The following KPNA1 variants were observed in gnomAD, a reference collection of about 807,000 sequenced individuals.
KPNA1 encodes importin subunit alpha-5.
KPNA1 carries 10 observed loss-of-function variants against 70.5 expected under a neutral mutation model. The observed-to-expected ratio is 0.14, with a 90% CI of 0.09 to 0.24. The LOEUF is 0.24. Among genes scored for constraint, KPNA1 ranks in the 10% least tolerant of loss-of-function variants. The pLI is 1.00. For synonymous variants in KPNA1, 192 were observed against 221.9 expected, an observed-to-expected ratio of 0.87 and a Z score of 1.20; for missense variants, 397 against 637.9, an observed-to-expected ratio of 0.62 and a Z score of 4.07.
At chr3:122,476,425 G>A (rs1412977079) in intron 2 of KPNA1, among the ~76,000 whole-genome samples, 1 of 151,968 alleles carries the variant, frequency 6.6e-6, no homozygotes, top group African/African-American at 2.4e-5. Context: ...CGACAAATGG[G>A]GTTACAACAA....
chr3:122,433,868 C>A (rs1296202104), intron 11 of KPNA1, 80 bp from the exon 12 acceptor site: 2 of 1,096,706 alleles, frequency 1.8e-6, no homozygotes, highest in South Asian at 1.6e-5. Context: ...AATTTCTAAG[C>A]TAGTTTGACT....
chr3:122,422,611 C>A lies in KPNA1; in HGVS notation c.*4374G>T, dbSNP rs1226880766. The A allele has an allele frequency of 6.6e-6, 1 of 152,224 alleles. No homozygotes were observed. The highest frequency in any genetic ancestry group is 1.9e-4 in the East Asian group (1 of 5,206). The allele number at this position is 152,224 out of a possible 1,614,324, so 9.4% of individuals were successfully genotyped here. ...TGGGCACGGAACTACTGCGTGGCCA[C>A]TGCTTTCTTCAAGACACAGAATTTG... On this transcript the variant is annotated 3_prime_UTR_variant, in exon 14 of 14. Transcript: ENST00000344337.
intron 5 of KPNA1, chr3:122,457,958 G>T: frequency 1.1e-6 from 1 of 952,014 alleles, no homozygotes; most frequent in Non-Finnish European, 1.4e-6. Flanking sequence ...GAAAGGCAGA[G>T]AGATCAATGA....
intron 2 of KPNA1, among the ~76,000 whole-genome samples, chr3:122,468,980 CATGGA>C (rs1358902196): frequency 6.6e-6 from 1 of 152,088 alleles, no homozygotes; most frequent in African/African-American, 2.4e-5. Context: ...GTATAATAAA[CATGGA>C]ATGGAACTAT....
At chr3:122,437,357 A>C (rs2076003035) in intron 10 of KPNA1, 62 bp from the exon 11 acceptor site, 8 of 1,243,680 alleles carry the variant, frequency 6.4e-6, no homozygotes, top group South Asian at 1.6e-5. Context: ...TGTTTAACTT[A>C]AGGAACACAT....
Position 122,489,195 on chromosome 3 carries a change from A to T in KPNA1, c.129+7242T>A, listed in dbSNP as rs940353891. On this transcript the variant is annotated intron_variant, in intron 2 of 13. Transcript: ENST00000344337. Reference sequence around the variant, plus strand: ...CTTCTGCAATTTTTAATTTGCAATCAATCCCATTTGGGAATTTCTCATCTT... The same window carrying T: ...CTTCTGCAATTTTTAATTTGCAATCTATCCCATTTGGGAATTTCTCATCTT... 5.9e-5 allele frequency among the ~76,000 whole-genome samples: 9 copies of T among 151,928 alleles called. No individual in the cohort carries two copies. In the South Asian group the frequency reaches 6.2e-4, roughly 11 times the overall value.
At chr3:122,470,373 G>A (rs1022955763) in intron 2 of KPNA1, among the ~76,000 whole-genome samples, 4 of 151,910 alleles carry the variant, frequency 2.6e-5, no homozygotes, top group South Asian at 4.2e-4. Context: ...TTAGCCGGGC[G>A]TGGCAGCGGG....
intron 2 of KPNA1, among the ~76,000 whole-genome samples, chr3:122,486,854 T>C (rs374742734): frequency 1.8e-4 from 27 of 152,220 alleles, no homozygotes; most frequent in African/African-American, 6.3e-4. Flanking sequence ...CCCAAAGTGC[T>C]GGGATTACAA....
chr3:122,435,172 A>G (rs2075968353), intron 11 of KPNA1, among the ~76,000 whole-genome samples: 2 of 152,160 alleles, frequency 1.3e-5, no homozygotes, highest in Non-Finnish European at 2.9e-5. Context: ...AATGTAATGG[A>G]TGCTTCAATA....
At chr3:122,435,560 T>A (rs1184378635) in intron 11 of KPNA1, among the ~76,000 whole-genome samples, 2 of 152,172 alleles carry the variant, frequency 1.3e-5, no homozygotes, top group South Asian at 2.1e-4. Context: ...ATACAAGACA[T>A]TATTTGTTGC....
chr3:122,447,334 C>G (rs1238670252), intron 9 of KPNA1, among the ~76,000 whole-genome samples: 13 of 152,158 alleles, frequency 8.5e-5, no homozygotes, highest in African/African-American at 1.2e-4. Flanking sequence ...ACGATCAAGT[C>G]GGCTTCATCC....
intron 5 of KPNA1, among the ~76,000 whole-genome samples, chr3:122,456,650 A>C (rs969665976): frequency 3.3e-5 from 5 of 152,204 alleles, no homozygotes; most frequent in Admixed American, 6.5e-5. Flanking sequence ...TGACTAAGAA[A>C]ATGAAAAGTA....
Position 122,501,171 on chromosome 3 carries a change from G to A in KPNA1, c.-5-4601C>T, listed in dbSNP as rs555216854. 2.6e-5 allele frequency among the ~76,000 whole-genome samples: 4 copies of A among 151,644 alleles called. No individual in the cohort carries two copies. In the South Asian group the frequency reaches 8.4e-4, roughly 32 times the overall value. On this transcript the variant is annotated intron_variant, in intron 1 of 13. Coordinates refer to ENST00000344337, the MANE Select transcript of KPNA1 (RefSeq NM_002264.4). ...AGCCTTCCAAGTAGCTAGGGTTACA[G>A]GCGACTGCCATCACACCCAGCTAAT...
chr3:122,484,510 G>A (rs966121569), intron 2 of KPNA1, among the ~76,000 whole-genome samples: 3 of 152,132 alleles, frequency 2.0e-5, no homozygotes, highest in South Asian at 2.1e-4. Context: ...AGCTGGCATG[G>A]TGGTGGGCGC....
At chr3:122,491,748 A>G (rs1559748192) in intron 2 of KPNA1, among the ~76,000 whole-genome samples, 1 of 152,174 alleles carries the variant, frequency 6.6e-6, no homozygotes, top group Non-Finnish European at 1.5e-5. Context: ...GTCATACAGA[A>G]TAAGAGATGT....
chr3:122,498,354 C>A (rs1022082740), intron 1 of KPNA1, among the ~76,000 whole-genome samples: 1 of 152,206 alleles, frequency 6.6e-6, no homozygotes, highest in Non-Finnish European at 1.5e-5. Context: ...TGTGAGGACA[C>A]AGAGAAAAGA....
Position 122,458,777 on chromosome 3 carries a change from A to G in KPNA1, c.432+2447T>C, listed in dbSNP as rs143541550. Among the ~76,000 whole-genome samples the G allele has an allele frequency of 5.9e-5, 9 of 152,304 alleles. No individual in the cohort carries two copies. In the East Asian group the frequency reaches 1.7e-3, roughly 29 times the overall value. ...GTCTAATTATTTGAAAGCATGGTAG[A>G]TCATCAAGTCTCCTGGCTTTAAGGT... On this transcript the variant is annotated intron_variant, in intron 5 of 13. Coordinates refer to ENST00000344337, the MANE Select transcript of KPNA1 (RefSeq NM_002264.4).
At chr3:122,472,134 A>T (rs2076449779) in intron 2 of KPNA1, among the ~76,000 whole-genome samples, 1 of 152,224 alleles carries the variant, frequency 6.6e-6, no homozygotes, top group African/African-American at 2.4e-5. Context: ...GAAATAACAG[A>T]ATACACATTT....
chr3:122,447,167 T>G (rs868036636), intron 9 of KPNA1, among the ~76,000 whole-genome samples: 1 of 152,322 alleles, frequency 6.6e-6, no homozygotes. Flanking sequence ...CTAACTCATT[T>G]TATGAGGCCA....
Sources: gnomAD v4.1 joint callset for allele counts (sites outside exome capture counted in the v4.1 genomes callset) on GRCh38, gnomAD v4.1.1 for gene constraint, MANE v1.5 for transcripts, NCBI Gene and HGNC (gene_info 2026-07-23, HGNC 2026-07-21) for gene names.